Variants in GRID2 observed in about 807,000 individuals in gnomAD.
GRID2 encodes glutamate ionotropic receptor delta type subunit 2.
A neutral mutation model predicts 114.8 loss-of-function variants in GRID2; 33 were observed. That is an observed-to-expected ratio of 0.29 (90% CI 0.22 to 0.38). The LOEUF is 0.38. GRID2 is among the 10% of genes least tolerant of loss of function. GRID2 has a pLI of 1.00. For synonymous variants in GRID2, 505 were observed against 449.9 expected (o/e 1.12, Z -1.55); for missense variants, 1,184 against 1,257.7 (o/e 0.94, Z 0.89).
At chr4:92,482,607 C>T (rs1238365241) in intron 1 of GRID2, among the ~76,000 whole-genome samples, 1 of 152,066 alleles carries the variant, frequency 6.6e-6, no homozygotes, top group African/African-American at 2.4e-5. Flanking sequence ...TTAAAATCTA[C>T]TTTTTTTAAG....
intron 2 of GRID2, among the ~76,000 whole-genome samples, chr4:92,592,271 T>G (rs78140039): frequency 0.027 from 4,146 of 152,106 alleles, 195 homozygotes; most frequent in African/African-American, 0.094. Context: ...ATATTAATAA[T>G]TGTGAATTAA....
intron 4 of GRID2, among the ~76,000 whole-genome samples, chr4:93,124,889 T>C (rs965067089): frequency 5.3e-5 from 8 of 152,166 alleles, no homozygotes; most frequent in African/African-American, 1.4e-4. Context: ...ATTAAACTTA[T>C]ATGTGTCTAT....
intron 13 of GRID2, among the ~76,000 whole-genome samples, chr4:93,589,825 G>A (rs1441706329): frequency 6.6e-6 from 1 of 151,910 alleles, no homozygotes; most frequent in Non-Finnish European, 1.5e-5. Context: ...ATTTTTTCAT[G>A]TGTTTTTTGG....
intron 1 of GRID2, among the ~76,000 whole-genome samples, chr4:92,518,366 C>T (rs936000831): frequency 6.6e-6 from 1 of 151,840 alleles, no homozygotes; most frequent in Non-Finnish European, 1.5e-5. Flanking sequence ...AGATTTAAAC[C>T]TTACAAGGAA....
chr4:93,010,493 C>T (rs1227694413), intron 2 of GRID2, among the ~76,000 whole-genome samples: 1 of 151,982 alleles, frequency 6.6e-6, no homozygotes, highest in Non-Finnish European at 1.5e-5. Context: ...GGGAGCTGAG[C>T]CTCCATGTTC....
chr4:93,024,030 T>C lies in GRID2; in HGVS notation c.245-60965T>C, dbSNP rs558846904. 3.3e-5 allele frequency among the ~76,000 whole-genome samples: 5 copies of C among 151,952 alleles called. No homozygotes were observed. In the East Asian group the frequency reaches 9.6e-4, roughly 29 times the overall value. The stretch of plus-strand genomic sequence containing the variant: ...TAAAAGAAAATCTCTATAAAAACAA[T>C]TTACAAGTCATTTCAAATAAGTCTC... On this transcript the variant is annotated intron_variant, in intron 2 of 15. Coordinates refer to ENST00000282020, the MANE Select transcript of GRID2 (RefSeq NM_001510.4).
At chr4:93,075,896 T>C (rs1729234844) in intron 2 of GRID2, among the ~76,000 whole-genome samples, 4 of 39,872 alleles carry the variant, frequency 1.0e-4, no homozygotes, top group African/African-American at 3.5e-4. Flanking sequence ...TTTTTTTTTT[T>C]TTTTTTTTTT....
intron 14 of GRID2, among the ~76,000 whole-genome samples, chr4:93,637,198 TAAAATAGTAGTCGACA>T (rs1261912550): frequency 3.3e-5 from 5 of 152,180 alleles, no homozygotes; most frequent in African/African-American, 4.8e-5. Flanking sequence ...TGCTGTAGAC[TAAAATAGTAGTCGACA>T]TTCATTGAAA....
At chr4:92,734,475 G>A (rs539263846) in intron 2 of GRID2, among the ~76,000 whole-genome samples, 16 of 151,840 alleles carry the variant, frequency 1.1e-4, no homozygotes, top group African/African-American at 3.1e-4. Flanking sequence ...ATAAAGATAG[G>A]TTCTTGCTAT....
intron 2 of GRID2, among the ~76,000 whole-genome samples, chr4:92,945,382 TG>T (rs1751547157): frequency 6.6e-6 from 1 of 152,132 alleles, no homozygotes; most frequent in African/African-American, 2.4e-5. Context: ...GTAAATAAGC[TG>T]TTTTTTTTTC....
At chr4:93,541,733 A>G (rs1560732364) in intron 13 of GRID2, among the ~76,000 whole-genome samples, 1 of 152,198 alleles carries the variant, frequency 6.6e-6, no homozygotes, top group Admixed American at 6.6e-5. Context: ...ACAATGTGAC[A>G]CTTGATCTGA....
intron 2 of GRID2, among the ~76,000 whole-genome samples, chr4:92,768,325 T>C (rs1000972116): frequency 6.6e-6 from 1 of 152,218 alleles, no homozygotes; most frequent in Non-Finnish European, 1.5e-5. Flanking sequence ...AATTTTTTAC[T>C]TTTCAAAGTT....
At chr4:93,029,256 C>T (rs1017067967) in intron 2 of GRID2, among the ~76,000 whole-genome samples, 2 of 151,964 alleles carry the variant, frequency 1.3e-5, no homozygotes, top group African/African-American at 2.4e-5. Flanking sequence ...GGTTTACCAT[C>T]TTCAAAAAAA....
chr4:93,310,765 A>G lies in GRID2; in HGVS notation c.1245+72275A>G, dbSNP rs181146898. 1.2e-3 allele frequency among the ~76,000 whole-genome samples: 181 copies of G among 152,314 alleles called. 3 individuals are homozygous for G. Among genetic ancestry groups the G allele is most frequent in the African/African-American group, 4.3e-3 (180 of 41,570 alleles). On this transcript the variant is annotated intron_variant, in intron 8 of 15. Coordinates refer to ENST00000282020, the MANE Select transcript of GRID2 (RefSeq NM_001510.4). Reference sequence around the variant, plus strand: ...AAAGTCAGAAATGAGATTTTATTAAATTTTGGGGTCTGGGATCCAGGAGTT... The same window carrying G: ...AAAGTCAGAAATGAGATTTTATTAAGTTTTGGGGTCTGGGATCCAGGAGTT...
intron 14 of GRID2, among the ~76,000 whole-genome samples, chr4:93,643,419 C>A (rs1393032152): frequency 1.2e-4 from 4 of 32,282 alleles, no homozygotes; most frequent in Non-Finnish European, 2.0e-4. Flanking sequence ...TTTTTCTGTT[C>A]TGTTTTTTCA....
rs77289712 is a variant in GRID2 at position 93,222,133 on chromosome 4, T to A, written c.964-2481T>A. On this transcript the variant is annotated intron_variant, in intron 6 of 15. Transcript: ENST00000282020. ...ATGTGCGAGGCTCTAGGCTAAGTCT[T>A]AGAGAAATAAATTACGGGGAAAAAT... Among the ~76,000 whole-genome samples, 1,335 of 152,248 alleles carry A rather than the reference T, an allele frequency of 8.8e-3. 19 individuals are homozygous for A. Among genetic ancestry groups the A allele is most frequent in the African/African-American group, 0.031 (1,268 of 41,548 alleles).
intron 2 of GRID2, among the ~76,000 whole-genome samples, chr4:92,690,254 G>T (rs531165384): frequency 6.6e-6 from 1 of 152,056 alleles, no homozygotes. Context: ...CTTAGAGGCC[G>T]TTGTAGGCTT....
intron 8 of GRID2, among the ~76,000 whole-genome samples, chr4:93,261,345 C>A (rs1750234714): frequency 6.6e-6 from 1 of 151,838 alleles, no homozygotes; most frequent in South Asian, 2.1e-4. Context: ...GTGATCCTTG[C>A]ACCTAAGTGG....
chr4:93,563,590 G>A (rs1735120766), intron 13 of GRID2, among the ~76,000 whole-genome samples: 1 of 151,822 alleles, frequency 6.6e-6, no homozygotes, highest in Non-Finnish European at 1.5e-5. Flanking sequence ...AGAGTTCCAA[G>A]AAAAAGCCTA....
Sources: gnomAD v4.1 joint callset for allele counts (sites outside exome capture counted in the v4.1 genomes callset) on GRCh38, gnomAD v4.1.1 for gene constraint, MANE v1.5 for transcripts, NCBI Gene and HGNC (gene_info 2026-07-23, HGNC 2026-07-21) for gene names.